MAP7D1: variants seen among roughly 807,000 people sequenced by gnomAD.
MAP7D1 encodes the protein MAP7 domain containing 1, also known as MAP7 domain-containing protein 1.
Under a neutral mutation model 97.5 loss-of-function variants are expected in MAP7D1, and 30 were observed. The ratio of observed to expected loss-of-function variants is 0.31; its 90% CI spans 0.23 to 0.42. The LOEUF is 0.42. Among genes scored for constraint, MAP7D1 ranks in the 10% least tolerant of loss-of-function variants. The pLI is 1.00. For missense variants in MAP7D1, 1,184 were observed against 1,179.5 expected, an observed-to-expected ratio of 1.00 and a Z score of -0.06; for synonymous variants, 536 against 477.1, an observed-to-expected ratio of 1.12 and a Z score of -1.61.
In MAP7D1 at chr1:36,178,129, GCACCTTCGCCGGCGCCCT is replaced by G. The variant is rs1410618312; in HGVS notation, c.1638_1655del (p.Ser548_Pro553del). 6.3e-7 allele frequency: 1 copy of G among 1,589,328 alleles called. No individual in the cohort carries two copies. The highest frequency in any genetic ancestry group is 2.3e-5 in the East Asian group (1 of 43,828). On this transcript the variant is annotated inframe_deletion, in exon 9 of 17. Coordinates refer to ENST00000474796, the MANE Select transcript of MAP7D1 (RefSeq NM_001388490.1). ...GGAGTCAGCAGCCCCAGCCTCACCG[GCACCTTCGCCGGCGCCCT>G]CGCCCACCCCAGCCCCGCCCCAGAA...
Position 36,168,250 on chromosome 1 carries a change from G to A in MAP7D1, c.47-2721G>A, listed in dbSNP as rs957461211. Among the ~76,000 whole-genome samples the A allele has an allele frequency of 1.0e-4, 15 of 148,416 alleles. No individual in the cohort carries two copies. The East Asian group carries it at 2.6e-3, about 25-fold the overall frequency. On this transcript the variant is annotated intron_variant, in intron 1 of 16. Transcript: ENST00000474796. ...GCAGAGGTTGCAGTGAGCCGAGATCGCACCACTGCACTCCAGCCTGGCAAC... is the reference window on the plus strand; with the variant it reads ...GCAGAGGTTGCAGTGAGCCGAGATCACACCACTGCACTCCAGCCTGGCAAC...
intron 6 of MAP7D1, among the ~76,000 whole-genome samples, chr1:36,175,953 C>G (rs1235442545): frequency 1.3e-5 from 2 of 152,150 alleles, no homozygotes; most frequent in Admixed American, 1.3e-4. Context: ...ACCTGGGGAG[C>G]GTTGTAGGCG....
rs548867166 is a variant in MAP7D1, at chr1:36,171,033, C to T, written c.109C>T (p.Pro37Ser). 2.8e-5 allele frequency: 44 copies of T among 1,558,086 alleles called. 1 individual carries two copies. In the South Asian group the frequency reaches 4.6e-4, roughly 16 times the overall value. Residue 37 changes from proline (P) to serine (S), a missense_variant, in exon 2 of 17, where the codon CCA becomes TCA. Transcript: ENST00000474796. ...PSPEGDPSPPPPPMSALVPDT... is the reference protein window; with the variant it reads ...PSPEGDPSPPSPPMSALVPDT... ...TCCAGAAGGTGACCCTTCCCCCCCA[C>T]CACCACCAATGTCAGCCCTGGTCCC...
chr1:36,175,047 T>C, intron 6 of MAP7D1, 39 bp downstream of exon 6: 1 of 1,388,614 alleles, frequency 7.2e-7, no homozygotes, highest in Non-Finnish European at 1.0e-6. Flanking sequence ...CAGAGCCCCT[T>C]GTAGCTCCCA....
chr1:36,177,131 G>A (rs183587883), intron 8 of MAP7D1, among the ~76,000 whole-genome samples: 1 of 152,130 alleles, frequency 6.6e-6, no homozygotes, highest in East Asian at 1.9e-4. Context: ...TGTATTTTTG[G>A]TAGAGTGGGG....
At position 36,176,155 on chromosome 1, in the gene MAP7D1, A is replaced by G. The variant is rs543387089; in HGVS notation, c.851-44A>G. 4.4e-6 allele frequency: 7 copies of G among 1,591,640 alleles called. No homozygotes were observed. Among genetic ancestry groups the G allele is most frequent in the South Asian group, 2.2e-5 (2 of 90,160 alleles). On this transcript the variant is annotated intron_variant, in intron 6 of 16. Coordinates refer to ENST00000474796, the MANE Select transcript of MAP7D1 (RefSeq NM_001388490.1). This position sits in a 1 kb window ranked among gnomAD's most constrained non-coding sequence, Gnocchi z 6.1. Reference sequence around the variant, plus strand: ...GCTCCCTTGCCTCTTCCTGCCTCCTACGGCCCCCACGGTGACCGGCTTCGC... The same window carrying G: ...GCTCCCTTGCCTCTTCCTGCCTCCTGCGGCCCCCACGGTGACCGGCTTCGC...
intron 3 of MAP7D1, chr1:36,172,236 T>C: frequency 2.6e-6 from 1 of 388,530 alleles, no homozygotes; most frequent in East Asian, 3.9e-5. Context: ...CCTTCAGCCC[T>C]GAGAGCCCAT....
rs548446362 is a variant in MAP7D1, at chr1:36,160,272, A to G, written c.46+3809A>G. On this transcript the variant is annotated intron_variant, in intron 1 of 16. Coordinates refer to ENST00000474796, the MANE Select transcript of MAP7D1 (RefSeq NM_001388490.1). ...GGGCACAGCCTTCAGTGTTTCCTCC[A>G]CCACTTCTCAGCTGCAGCTCTGCCC... is the stretch of plus-strand genomic sequence containing the variant. 3.0e-3 allele frequency among the ~76,000 whole-genome samples: 455 copies of G among 152,298 alleles called. 2 individuals carry two copies. Among genetic ancestry groups the G allele is most frequent in the African/African-American group, 0.01 (432 of 41,576 alleles).
chr1:36,156,629 A>G (rs1171230686), intron 1 of MAP7D1, among the ~76,000 whole-genome samples, 166 bp downstream of exon 1: 2 of 151,860 alleles, frequency 1.3e-5, no homozygotes, highest in African/African-American at 4.8e-5. Context: ...CAGGCTCGCG[A>G]TGCATCCTCT....
At chr1:36,170,036 T>C (rs1360428230) in intron 1 of MAP7D1, among the ~76,000 whole-genome samples, 2 of 151,966 alleles carry the variant, frequency 1.3e-5, no homozygotes, top group African/African-American at 4.8e-5. Context: ...TAGCAGCAAG[T>C]AGACTTGGGG....
intron 4 of MAP7D1, 144 bp downstream of exon 4, chr1:36,172,771 C>G: frequency 1.0e-6 from 1 of 986,772 alleles, no homozygotes; most frequent in Non-Finnish European, 1.4e-6. Context: ...CAGTTGTGTC[C>G]CTGTGTTAGA....
At chr1:36,179,598 C>T (rs775363520) in intron 14 of MAP7D1, 41 bp downstream of exon 14, 1 of 1,543,194 alleles carries the variant, frequency 6.5e-7, no homozygotes, top group South Asian at 1.2e-5. Flanking sequence ...CCTTTGCCAT[C>T]CTCCTCCTCC....
At position 36,178,990 on chromosome 1, in the gene MAP7D1, C is replaced by G. The variant is rs1644674540; in HGVS notation, c.2095C>G (p.Gln699Glu). 1 of 1,557,568 alleles carries G rather than the reference C, an allele frequency of 6.4e-7. No individual in the cohort carries two copies. Among genetic ancestry groups the G allele is most frequent in the Non-Finnish European group, 8.7e-7 (1 of 1,151,346 alleles). ...RQRLEREKHF[Q>E]QQEQERQERR... The stretch of plus-strand genomic sequence containing the variant: ...GCGTCTGGAGCGGGAAAAGCACTTC[C>G]AGCAGCAGGAGCAAGAGCGGCAAGA... The change falls in exon 12 of 17, where the codon CAG (glutamine) becomes GAG (glutamate). Residue 699 changes from glutamine to glutamate, a missense_variant. Coordinates refer to ENST00000474796, the MANE Select transcript of MAP7D1 (RefSeq NM_001388490.1).
At chr1:36,164,123 C>T (rs1387338452) in intron 1 of MAP7D1, among the ~76,000 whole-genome samples, 1 of 152,160 alleles carries the variant, frequency 6.6e-6, no homozygotes, top group Non-Finnish European at 1.5e-5. Context: ...TGCGCCCAGC[C>T]TAGATCTACT....
intron 1 of MAP7D1, among the ~76,000 whole-genome samples, chr1:36,157,469 A>T (rs1644352388): frequency 6.6e-6 from 1 of 151,806 alleles, no homozygotes; most frequent in South Asian, 2.1e-4. Flanking sequence ...TGCAAATCCC[A>T]TTCGGATCTG....
intron 4 of MAP7D1, among the ~76,000 whole-genome samples, chr1:36,172,844 G>A (rs1570151494): frequency 6.6e-6 from 1 of 152,238 alleles, no homozygotes; most frequent in African/African-American, 2.4e-5. Flanking sequence ...GTAGGCCCCT[G>A]TAACTGTTTA....
chr1:36,173,390 G>T lies in MAP7D1; in HGVS notation c.651G>T (p.Arg217=), dbSNP rs754730875. Residue 217 remains arginine (R), a synonymous_variant, in exon 5 of 17, where the codon CGG becomes CGT. Transcript: ENST00000474796. The stretch of plus-strand genomic sequence containing the variant: ...AGCGCTATGAAGCAGCCATCCAACG[G>T]TCAGTGAAGAAGACGTGGGCCGAAA... ...NKERYEAAIQ[R]SVKKTWAEIR... 5.6e-6 allele frequency: 9 copies of T among 1,614,024 alleles called. No individual in the cohort carries two copies. Among genetic ancestry groups the T allele is most frequent in the Non-Finnish European group, 7.6e-6 (9 of 1,179,974 alleles).
rs774406010 is a variant in MAP7D1, at chr1:36,171,120, C to T, written c.196C>T (p.Leu66=). Residue 66 remains leucine (L), a synonymous_variant, in exon 2 of 17, where the codon CTG becomes TTG. Transcript: ENST00000474796. ...KNATSSKQLP[L]EPESPSGQVG... Reference sequence around the variant, plus strand: ...TGCCACTAGCTCTAAGCAGCTCCCACTGGAACCAGAGAGCCCCTCAGGGCA... The same window carrying T: ...TGCCACTAGCTCTAAGCAGCTCCCATTGGAACCAGAGAGCCCCTCAGGGCA... 3 of 1,614,002 alleles carry T rather than the reference C, an allele frequency of 1.9e-6. No individual in the cohort carries two copies. The highest frequency in any genetic ancestry group is 4.5e-5 in the East Asian group (2 of 44,864).
At chr1:36,156,701 C>T (rs1157375738) in intron 1 of MAP7D1, among the ~76,000 whole-genome samples, 2 of 151,804 alleles carry the variant, frequency 1.3e-5, no homozygotes, top group African/African-American at 2.4e-5. Context: ...GCCGCAGGGA[C>T]CCCGCGCGGG....
Sources: gnomAD v4.1 joint callset for allele counts (sites outside exome capture counted in the v4.1 genomes callset) on GRCh38, gnomAD v4.1.1 for gene constraint, Gnocchi (gnomAD v3.1) non-coding constraint, MANE v1.5 for transcripts, NCBI Gene and HGNC (gene_info 2026-07-23, HGNC 2026-07-21) for gene names.